CD8B: variants seen among roughly 807,000 people sequenced by gnomAD.
The protein encoded by CD8B is T-cell surface glycoprotein CD8 beta chain.
In CD8B, 6 loss-of-function variants were observed where a neutral mutation model predicts 24.2. The ratio of observed to expected loss-of-function variants is 0.25; its 90% CI spans 0.14 to 0.49. CD8B has a LOEUF of 0.49. CD8B is among the 20% of genes least tolerant of loss of function. CD8B has a pLI of 0.98. For synonymous variants in CD8B, 84 were observed against 108.3 expected (o/e 0.78, Z 1.39); for missense variants, 196 against 271.3 (o/e 0.72, Z 1.95).
chr2:86,838,408 T>A lies in CD8B; in HGVS notation c.*3899A>T, dbSNP rs1470873104. ...GCAGAACAATATTAGAAGATGTAAT[T>A]TTCTATATTCTCTATTTTATGTATT... is the stretch of plus-strand genomic sequence containing the variant. On this transcript the variant is annotated 3_prime_UTR_variant, in exon 6 of 6. Transcript: ENST00000390655. 2.0e-5 allele frequency among the ~76,000 whole-genome samples: 3 copies of A among 152,160 alleles called. No individual in the cohort carries two copies. Among genetic ancestry groups the A allele is most frequent in the African/African-American group, 7.2e-5 (3 of 41,446 alleles).
chr2:86,858,026 GCTCA>G lies in CD8B; in HGVS notation c.403+27_403+30del, dbSNP rs771631069. The G allele has an allele frequency of 6.8e-6, 11 of 1,606,268 alleles. No homozygotes were observed. In the East Asian group the frequency reaches 2.5e-4, roughly 36 times the overall value. On this transcript the variant is annotated intron_variant, in intron 2 of 5. Coordinates refer to ENST00000390655, the MANE Select transcript of CD8B (RefSeq NM_004931.5). ...GGCACGTGCCTGGCACACAATCGGT[GCTCA>G]CTGATAGCATTGAGCCTGCTTCTTA...
chr2:86,829,646 C>G (rs1674830315), intron 5 of CD8B, among the ~76,000 whole-genome samples: 3 of 152,218 alleles, frequency 2.0e-5, no homozygotes, highest in African/African-American at 7.2e-5. Context: ...ACAAAGCCCT[C>G]TTCAACAGAT....
intron 3 of CD8B, among the ~76,000 whole-genome samples, chr2:86,852,344 C>T (rs543922134): frequency 3.3e-5 from 5 of 152,186 alleles, no homozygotes; most frequent in Admixed American, 2.6e-4. Context: ...TTATAATTTA[C>T]GTATAAAGTC....
chr2:86,860,917 G>C (rs1182792014), intron 1 of CD8B, among the ~76,000 whole-genome samples: 6 of 152,242 alleles, frequency 3.9e-5, no homozygotes, highest in Admixed American at 3.3e-4. Flanking sequence ...GCTGTGTGCT[G>C]GACATGGAGC....
chr2:86,827,908 G>A (rs1006548044), intron 5 of CD8B, among the ~76,000 whole-genome samples: 3 of 152,196 alleles, frequency 2.0e-5, no homozygotes, highest in African/African-American at 7.2e-5. Flanking sequence ...AGGAAAACTT[G>A]TGCAGGACCT....
intron 5 of CD8B, among the ~76,000 whole-genome samples, chr2:86,829,818 A>T (rs1250897686): frequency 6.6e-6 from 1 of 152,050 alleles, no homozygotes; most frequent in Non-Finnish European, 1.5e-5. Flanking sequence ...CCTCCACACC[A>T]CCGGCTGTCA....
At chr2:86,816,578 A>C (rs1430544739) in intron 5 of CD8B, among the ~76,000 whole-genome samples, 1 of 152,232 alleles carries the variant, frequency 6.6e-6, no homozygotes, top group Non-Finnish European at 1.5e-5. Context: ...GGGGGCCTAG[A>C]AAATACAGAT....
rs570708637 is a variant in CD8B, at chr2:86,818,289, C to T, written c.621-2571G>A. 2.0e-5 allele frequency among the ~76,000 whole-genome samples: 3 copies of T among 152,280 alleles called. No individual in the cohort carries two copies. In the South Asian group the frequency reaches 6.2e-4, roughly 32 times the overall value. On this transcript the variant is annotated intron_variant, in intron 5 of 5. Coordinates refer to the CD8B transcript ENST00000331469. ...AGTAACTGTATGTAATGAGTACCTGCTGTGTTCCAGGCACTGTTTAAAGTA... is the reference window on the plus strand; with the variant it reads ...AGTAACTGTATGTAATGAGTACCTGTTGTGTTCCAGGCACTGTTTAAAGTA...
intron 5 of CD8B, among the ~76,000 whole-genome samples, chr2:86,818,734 A>G (rs1354556127): frequency 1.3e-5 from 2 of 152,148 alleles, no homozygotes; most frequent in African/African-American, 4.8e-5. Context: ...TAACCCTACA[A>G]TGGTTTCTAA....
chr2:86,817,980 T>C (rs1262156620), intron 5 of CD8B, among the ~76,000 whole-genome samples: 1 of 152,098 alleles, frequency 6.6e-6, no homozygotes, highest in African/African-American at 2.4e-5. Flanking sequence ...GAGGCCAAGA[T>C]GGGTAGATCA....
At chr2:86,849,216 G>C (rs1675850923) in intron 3 of CD8B, among the ~76,000 whole-genome samples, 1 of 152,206 alleles carries the variant, frequency 6.6e-6, no homozygotes, top group Non-Finnish European at 1.5e-5. Context: ...GAAGGGAGTG[G>C]GCTGCTACAT....
chr2:86,815,731 AAAAC>A (rs1674214426), intron 5 of CD8B: 1 of 1,391,018 alleles, frequency 7.2e-7, no homozygotes, highest in Non-Finnish European at 1.0e-6. Flanking sequence ...TGCAAAAAGA[AAAAC>A]AAGAGAGTCT....
chr2:86,843,748 G>A (rs1675541409), intron 5 of CD8B: 1 of 857,326 alleles, frequency 1.2e-6, no homozygotes, highest in South Asian at 5.4e-5. Context: ...CATGCTTTAA[G>A]GATAATACCC....
intron 3 of CD8B, among the ~76,000 whole-genome samples, chr2:86,848,210 A>G (rs1488985876): frequency 1.3e-5 from 2 of 152,148 alleles, no homozygotes; most frequent in East Asian, 3.8e-4. Flanking sequence ...TGCCTCCCTA[A>G]AAGGCGGCAC....
At chr2:86,851,469 C>A (rs1214689252) in intron 3 of CD8B, among the ~76,000 whole-genome samples, 2 of 152,054 alleles carry the variant, frequency 1.3e-5, no homozygotes, top group Non-Finnish European at 2.9e-5. Flanking sequence ...GTGAAGGGGT[C>A]AGGGCATGGG....
In CD8B at chr2:86,839,448, G is replaced by A. The variant is rs1675316026; in HGVS notation, c.*2859C>T. ...TGGAATTGCTAGTCAAAAGATAGCT[G>A]GATGGAGTTTGGGGGGCATATTTCA... On this transcript the variant is annotated 3_prime_UTR_variant, in exon 6 of 6. Transcript: ENST00000390655. Among the ~76,000 whole-genome samples the A allele has an allele frequency of 6.6e-6, 1 of 152,216 alleles. No homozygotes were observed. The highest frequency in any genetic ancestry group is 2.4e-5 in the African/African-American group (1 of 41,454).
downstream of CD8B, among the ~76,000 whole-genome samples, chr2:86,836,067 C>T (rs1363899443): frequency 6.6e-6 from 1 of 150,858 alleles, no homozygotes; most frequent in Non-Finnish European, 1.5e-5. Flanking sequence ...TTGTACTTGG[C>T]AGAGTAAACA....
At chr2:86,825,823 C>T (rs1674659942) in intron 5 of CD8B, among the ~76,000 whole-genome samples, 1 of 152,218 alleles carries the variant, frequency 6.6e-6, no homozygotes, top group Non-Finnish European at 1.5e-5. Flanking sequence ...GCCTCACCTC[C>T]TGCCCGCCAC....
At chr2:86,833,122 G>GT (rs1674984301) in intron 5 of CD8B, 2 of 301,574 alleles carry the variant, frequency 6.6e-6, no homozygotes, top group Admixed American at 8.2e-5. Context: ...AAAAAGGATA[G>GT]TTTAAATAAT....
Sources: allele counts gnomAD v4.1 joint callset (sites outside exome capture counted in the v4.1 genomes callset), GRCh38; gene constraint gnomAD v4.1.1; transcripts MANE v1.5; gene names NCBI Gene and HGNC (gene_info 2026-07-23, HGNC 2026-07-21).